Variants in MAP1S observed in about 807,000 individuals in gnomAD.
The protein encoded by MAP1S is microtubule-associated protein 1S.
MAP1S carries 27 observed loss-of-function variants against 60.9 expected under a neutral mutation model. The ratio of observed to expected loss-of-function variants is 0.44; its 90% confidence interval spans 0.33 to 0.61. The LOEUF (loss-of-function observed/expected upper bound fraction) is 0.61. Among genes scored for constraint, MAP1S ranks in the 20% least tolerant of loss-of-function variants. The pLI is 0.03. For missense variants in MAP1S, 1,608 were observed against 1,486.6 expected (o/e 1.08, Z -1.34); for synonymous variants, 826 against 694.2 (o/e 1.19, Z -2.98).
In MAP1S at chr19:17,727,794, C is replaced by G. The variant is rs1236736771; in HGVS notation, c.2410C>G (p.Pro804Ala). 6 of 1,612,382 alleles carry G rather than the reference C, an allele frequency of 3.7e-6. No individual in the cohort carries two copies. Among genetic ancestry groups the G allele is most frequent in the Non-Finnish European group, 1.7e-6 (2 of 1,179,434 alleles). ...LSDSDPVPLA[P>A]GAADSDEDTE... ...TGACTCGGATCCCGTGCCCCTGGCC[C>G]CCGGTGCGGCAGACTCAGACGAAGA... The change falls in exon 5 of 7, where the codon CCC (proline) becomes GCC (alanine). Residue 804 changes from proline to alanine, a missense_variant. This residue lies in a region of MAP1S where 1,167 missense variants were observed against 961.4 expected (regional missense o/e 1.21). Coordinates refer to ENST00000324096, the MANE Select transcript of MAP1S (RefSeq NM_018174.6). This position sits in a 1 kb window ranked among gnomAD's most constrained non-coding sequence, Gnocchi z 4.1.
rs1410492197 is a variant in MAP1S at position 17,725,990 on chromosome 19, C to T, written c.606C>T (p.Pro202=). 6.2e-7 allele frequency: 1 copy of T among 1,612,420 alleles called. No individual in the cohort carries two copies. The highest frequency in any genetic ancestry group is 1.1e-5 in the South Asian group (1 of 90,924). Residue 202 remains proline (P), a synonymous_variant, in exon 5 of 7, where the codon CCC becomes CCT. Coordinates refer to ENST00000324096, the MANE Select transcript of MAP1S (RefSeq NM_018174.6). This position sits in a 1 kb window ranked among gnomAD's most constrained non-coding sequence, Gnocchi z 4.2. ...GGCTGAACCCCCCGGCGCAGCTGCC[C>T]AACTCTGAGGGCCTGTGCGAATTCC... is the stretch of plus-strand genomic sequence containing the variant. ...QLRLNPPAQL[P]NSEGLCEFLE...
At chr19:17,719,766 C>T in intron 1 of MAP1S, 146 bp downstream of exon 1, 3 of 221,730 alleles carry the variant, frequency 1.4e-5, no homozygotes, top group Non-Finnish European at 2.3e-5. Context: ...GGCTGGGTCC[C>T]CTTCACCGTT....
At chr19:17,731,833 T>C (rs1208091603) in intron 5 of MAP1S, among the ~76,000 whole-genome samples, 2 of 152,118 alleles carry the variant, frequency 1.3e-5, no homozygotes, top group Non-Finnish European at 1.5e-5. Context: ...GCCCAGCTAA[T>C]TTTTGTATTT....
Position 17,726,724 on chromosome 19 carries a change from G to GCCTGCAGCA in MAP1S, c.1342_1350dup (p.Gln449_Leu451dup). ...GCCTGCCTCCTGGACGGCCTGGTCC[G>GCCTGCAGCA]CCTGCAGCACTTGAGGTTCCTGCGA... On this transcript the variant is annotated inframe_insertion, in exon 5 of 7. Coordinates refer to ENST00000324096, the MANE Select transcript of MAP1S (RefSeq NM_018174.6). 6.3e-7 allele frequency: 1 copy of GCCTGCAGCA among 1,589,458 alleles called. No homozygotes were observed. Among genetic ancestry groups the GCCTGCAGCA allele is most frequent in the Non-Finnish European group, 8.5e-7 (1 of 1,171,434 alleles).
Position 17,733,410 on chromosome 19 carries a change from T to A in MAP1S, c.3006T>A (p.His1002Gln). The part of the protein sequence containing the change: ...VLDALLASKQ[H>Q]WDRDLQVTLI... The stretch of plus-strand genomic sequence containing the variant: ...ACGCGCTACTGGCCAGCAAGCAGCA[T>A]TGGGACCGTGACCTGCAGGTGCGTG... The change falls in exon 6 of 7, where the codon CAT (histidine) becomes CAA (glutamine). Residue 1002 changes from histidine to glutamine, a missense_variant. This residue lies in a region of MAP1S where 76 missense variants were observed against 110.1 expected (regional missense o/e 0.69). Coordinates refer to ENST00000324096, the MANE Select transcript of MAP1S (RefSeq NM_018174.6). The A allele has an allele frequency of 6.2e-7, 1 of 1,605,140 alleles. No homozygotes were observed. The highest frequency in any genetic ancestry group is 8.5e-7 in the Non-Finnish European group (1 of 1,175,614).
rs971936232 is a variant in MAP1S, at chr19:17,727,838, C to T, written c.2454C>T (p.Val818=). ...DSDEDTEGFG[V]PRHDPLPDPL... ...ACGAAGACACAGAGGGCTTTGGAGTCCCTCGCCACGACCCTTTGCCTGACC... is the reference window on the plus strand; with the variant it reads ...ACGAAGACACAGAGGGCTTTGGAGTTCCTCGCCACGACCCTTTGCCTGACC... The change falls in exon 5 of 7, where the codon GTC becomes GTT. Residue 818 remains valine (V), a synonymous_variant. Coordinates refer to ENST00000324096, the MANE Select transcript of MAP1S (RefSeq NM_018174.6). This position sits in a 1 kb window ranked among gnomAD's most constrained non-coding sequence, Gnocchi z 4.1. 1.2e-6 allele frequency: 2 copies of T among 1,613,526 alleles called. No individual in the cohort carries two copies. Among genetic ancestry groups the T allele is most frequent in the Non-Finnish European group, 1.7e-6 (2 of 1,179,886 alleles).
chr19:17,721,068 A>T (rs1478241538), intron 2 of MAP1S, 31 bp downstream of exon 2: 1 of 1,570,670 alleles, frequency 6.4e-7, no homozygotes, highest in East Asian at 2.2e-5. Flanking sequence ...ACTGCTCCCT[A>T]CCTCTTGTTA....
intron 1 of MAP1S, 177 bp from the exon 2 acceptor site, chr19:17,720,759 G>T: frequency 1.5e-6 from 1 of 650,752 alleles, no homozygotes. Flanking sequence ...GGTGTGCTCT[G>T]GGTCCCCTGG....
At chr19:17,731,941 A>G (rs2080497000) in intron 5 of MAP1S, among the ~76,000 whole-genome samples, 1 of 152,268 alleles carries the variant, frequency 6.6e-6, no homozygotes, top group Non-Finnish European at 1.5e-5. Context: ...TGCTGGGATT[A>G]CAGGCGTGAG....
At chr19:17,721,571 G>A (rs150964807) in intron 2 of MAP1S, 2,601 of 193,940 alleles carry the variant, frequency 0.013, 26 homozygotes, top group Non-Finnish European at 0.02. Flanking sequence ...CTACTCGGGA[G>A]GCTGAGGTGG....
At chr19:17,720,313 C>A in intron 1 of MAP1S, 1 of 1,461,794 alleles carries the variant, frequency 6.8e-7, no homozygotes, top group Admixed American at 2.4e-5. Context: ...CAGGAACACG[C>A]ACCTCGGTTC....
Position 17,726,829 on chromosome 19 carries a change from C to G in MAP1S, c.1445C>G (p.Ser482Trp), listed in dbSNP as rs1400791788. 6.4e-7 allele frequency: 1 copy of G among 1,555,192 alleles called. No individual in the cohort carries two copies. The highest frequency in any genetic ancestry group is 1.4e-5 in the African/African-American group (1 of 73,382). Residue 482 changes from serine (S) to tryptophan (W), a missense_variant, in exon 5 of 7, where the codon TCG becomes TGG. Transcript: ENST00000324096. ...SKESVGSRDSSKREGLLATHP... is the reference protein window; with the variant it reads ...SKESVGSRDSWKREGLLATHP... The stretch of plus-strand genomic sequence containing the variant: ...GAGAGCGTGGGCTCCCGGGACAGCT[C>G]GAAGAGAGAGGGCCTCCTGGCCACC...
Position 17,721,024 on chromosome 19 carries a change from C to T in MAP1S, c.207C>T (p.Ser69=). ...TGTCCCGACACTCTGCCACCTTCTC[C>T]AGCATTGTGAAAGGTGAGGCTGGGG... is the stretch of plus-strand genomic sequence containing the variant. The part of the protein sequence containing the change: ...VFVSRHSATF[S]SIVKGQRSLH... Residue 69 remains serine (S), a synonymous_variant, in exon 2 of 7, where the codon TCC becomes TCT. Coordinates refer to ENST00000324096, the MANE Select transcript of MAP1S (RefSeq NM_018174.6). The T allele has an allele frequency of 1.2e-6, 2 of 1,614,076 alleles. No individual in the cohort carries two copies. The highest frequency in any genetic ancestry group is 2.2e-5 in the East Asian group (1 of 44,886).
intron 5 of MAP1S, among the ~76,000 whole-genome samples, chr19:17,730,533 C>T (rs554485232): frequency 6.6e-6 from 1 of 152,216 alleles, no homozygotes; most frequent in Admixed American, 6.5e-5. Flanking sequence ...CCAGGCTGAT[C>T]TTGAACTCCC....
At chr19:17,719,668 C>T (rs973646421) in intron 1 of MAP1S, 48 bp downstream of exon 1, 2 of 1,079,934 alleles carry the variant, frequency 1.9e-6, no homozygotes, top group Non-Finnish European at 2.3e-6. Context: ...CGGGCCCGTT[C>T]GCGCGTCTGG....
rs764200179 is a variant in MAP1S at position 17,728,187 on chromosome 19, T to G, written c.2788+15T>G. On this transcript the variant is annotated intron_variant, in intron 5 of 6. Transcript: ENST00000324096. The stretch of plus-strand genomic sequence containing the variant: ...AGGCCCGTCGGGTGAGTACTGGAGC[T>G]GGGGCCCTGGGCTGGGTTAGCAGCT... The G allele has an allele frequency of 6.4e-7, 1 of 1,554,734 alleles. No homozygotes were observed. The highest frequency in any genetic ancestry group is 2.3e-5 in the East Asian group (1 of 44,072).
In MAP1S at chr19:17,727,590, G is replaced by A. The variant is rs369144347; in HGVS notation, c.2206G>A (p.Asp736Asn). 6.2e-7 allele frequency: 1 copy of A among 1,607,356 alleles called. No homozygotes were observed. Among genetic ancestry groups the A allele is most frequent in the Non-Finnish European group, 8.5e-7 (1 of 1,179,700 alleles). The change falls in exon 5 of 7, where the codon GAC becomes AAC. Residue 736 changes from aspartate (D) to asparagine (N), a missense_variant. Physicochemically the swap from Asp to Asn is conservative, Grantham distance 23 (BLOSUM62 1). Around this residue, in one of 4 missense-constraint regions of MAP1S, gnomAD observed 1,167 missense variants for 961.4 expected, o/e 1.21. Transcript: ENST00000324096. The surrounding 1 kb of genome is among the most constrained non-coding windows in gnomAD (Gnocchi z 4.1). ...GCGCTCGGCTTCCCCACACGATGTGGACCTGTGCCTGGTGTCACCCTGTGA... is the reference window on the plus strand; with the variant it reads ...GCGCTCGGCTTCCCCACACGATGTGAACCTGTGCCTGGTGTCACCCTGTGA... The part of the protein sequence containing the change: ...ARRSASPHDV[D>N]LCLVSPCEFE...
chr19:17,726,503 C>G lies in MAP1S; in HGVS notation c.1119C>G (p.Ser373Arg). The G allele has an allele frequency of 6.4e-7, 1 of 1,550,468 alleles. No homozygotes were observed. The highest frequency in any genetic ancestry group is 8.7e-7 in the Non-Finnish European group (1 of 1,152,372). Residue 373 changes from serine (S) to arginine (R), a missense_variant, in exon 5 of 7, where the codon AGC becomes AGG. By Grantham distance (110) the Ser-to-Arg change is moderately radical. Transcript: ENST00000324096. ...AQLGITPLPLSRGPVPAKPTV... is the reference protein window; with the variant it reads ...AQLGITPLPLRRGPVPAKPTV... The stretch of plus-strand genomic sequence containing the variant: ...TGGGCATCACGCCTCTGCCACTCAG[C>G]CGCGGCCCCGTGCCAGCCAAACCCA...
intron 2 of MAP1S, among the ~76,000 whole-genome samples, chr19:17,721,809 G>A (rs948289924): frequency 6.6e-6 from 1 of 152,196 alleles, no homozygotes; most frequent in African/African-American, 2.4e-5. Context: ...GTATACAGTA[G>A]GCAGGGAACT....
Sources: gnomAD v4.1 joint callset for allele counts (sites outside exome capture counted in the v4.1 genomes callset) on GRCh38, gnomAD v4.1.1 for gene constraint, gnomAD v4.1.1 regional missense constraint, Gnocchi (gnomAD v3.1) non-coding constraint, MANE v1.5 for transcripts, NCBI Gene and HGNC (gene_info 2026-07-23, HGNC 2026-07-21) for gene names.